Variants in GRIN2A observed in about 807,000 individuals in gnomAD.
GRIN2A encodes the protein glutamate ionotropic receptor NMDA type subunit 2A.
A neutral mutation model predicts 113.4 loss-of-function variants in GRIN2A; 22 were observed. The observed-to-expected ratio is 0.19, with a 90% CI of 0.14 to 0.28. The LOEUF is 0.28. Among genes scored for constraint, GRIN2A ranks in the 10% least tolerant of loss-of-function variants. GRIN2A has a pLI of 1.00. For synonymous variants in GRIN2A, 827 were observed against 738.4 expected (o/e 1.12, Z -1.94); for missense variants, 1,502 against 1,887.0 (o/e 0.80, Z 3.78).
At chr16:9,780,050 C>T (rs918694028) in intron 11 of GRIN2A, among the ~76,000 whole-genome samples, 6 of 152,164 alleles carry the variant, frequency 3.9e-5, no homozygotes, top group Non-Finnish European at 1.5e-5. Context: ...AACAGCCAAC[C>T]ACACAGCCAC....
chr16:9,919,248 A>T (rs948175333), intron 3 of GRIN2A, among the ~76,000 whole-genome samples: 1 of 151,980 alleles, frequency 6.6e-6, no homozygotes, highest in Non-Finnish European at 1.5e-5. Context: ...CATGGCTCTG[A>T]CTCATTCTTC....
At chr16:9,808,635 C>T (rs1238500769) in intron 10 of GRIN2A, among the ~76,000 whole-genome samples, 1 of 152,002 alleles carries the variant, frequency 6.6e-6, no homozygotes, top group African/African-American at 2.4e-5. Flanking sequence ...TTTAATTTGC[C>T]AAAGGTCACA....
intron 11 of GRIN2A, among the ~76,000 whole-genome samples, chr16:9,783,670 G>A (rs1463988886): frequency 6.6e-6 from 1 of 152,198 alleles, no homozygotes; most frequent in Non-Finnish European, 1.5e-5. Context: ...GAGAGAAAGA[G>A]AATGAATAAA....
At chr16:10,171,185 A>G (rs2050034201) in intron 2 of GRIN2A, among the ~76,000 whole-genome samples, 2 of 152,242 alleles carry the variant, frequency 1.3e-5, no homozygotes, top group African/African-American at 4.8e-5. Context: ...AGAGCAAAAG[A>G]ATAAGAACCC....
chr16:9,927,194 C>T (rs759189216), intron 3 of GRIN2A, among the ~76,000 whole-genome samples: 2 of 152,154 alleles, frequency 1.3e-5, no homozygotes, highest in Non-Finnish European at 2.9e-5. Context: ...AGACTTCATG[C>T]CTCCTGTAAG....
chr16:9,764,511 C>G lies in GRIN2A; in HGVS notation c.3033G>C (p.Arg1011=). The part of the protein sequence containing the change: ...STESKANSRP[R]QLWKKSVDSI... ...AATCCACGGATTTCTTCCACAGCTGCCGGGGTCTAGAGTTCGCTTTGGATT... is the reference window on the plus strand; with the variant it reads ...AATCCACGGATTTCTTCCACAGCTGGCGGGGTCTAGAGTTCGCTTTGGATT... Residue 1011 remains arginine, a synonymous_variant, in exon 13 of 13, where the codon CGG becomes CGC. Coordinates refer to ENST00000330684, the MANE Select transcript of GRIN2A (RefSeq NM_001134407.3). The G allele has an allele frequency of 6.2e-7, 1 of 1,614,094 alleles. No individual in the cohort carries two copies. The highest frequency in any genetic ancestry group is 8.5e-7 in the Non-Finnish European group (1 of 1,180,016).
rs1007098060 is a variant in GRIN2A, at chr16:9,753,619, A to G, written c.*9530T>C. ...CATACTACAAGAAGACAACCATAGT[A>G]TATACTTCCTCTATCATAGAAAGGT... On this transcript the variant is annotated 3_prime_UTR_variant, in exon 13 of 13. Coordinates refer to ENST00000330684, the MANE Select transcript of GRIN2A (RefSeq NM_001134407.3). 3.1e-5 allele frequency: 6 copies of G among 195,908 alleles called. No individual in the cohort carries two copies. The highest frequency in any genetic ancestry group is 5.3e-5 in the Non-Finnish European group (5 of 94,276). The allele number at this position is 195,908 out of a possible 1,614,324, so 12.1% of individuals were successfully genotyped here. A position where few individuals can be genotyped will look rare whatever the true frequency, so the allele number is the denominator to read the frequency against.
intron 8 of GRIN2A, among the ~76,000 whole-genome samples, chr16:9,830,323 C>T (rs2042468292): frequency 1.3e-5 from 2 of 152,062 alleles, no homozygotes; most frequent in Non-Finnish European, 2.9e-5. Flanking sequence ...CCAGTATATC[C>T]TCGCAATAGC....
At chr16:9,810,647 T>A (rs2042068816) in intron 10 of GRIN2A, among the ~76,000 whole-genome samples, 1 of 152,102 alleles carries the variant, frequency 6.6e-6, no homozygotes, top group African/African-American at 2.4e-5. Context: ...CACCAGAAAC[T>A]GGAGGACGCA....
intron 2 of GRIN2A, among the ~76,000 whole-genome samples, chr16:10,067,060 G>A (rs920984705): frequency 1.2e-4 from 19 of 152,162 alleles, no homozygotes; most frequent in Non-Finnish European, 2.8e-4. Flanking sequence ...ACCTCTAACT[G>A]GATCCCCCAG....
At chr16:10,170,440 C>G (rs993545024) in intron 2 of GRIN2A, among the ~76,000 whole-genome samples, 1 of 152,162 alleles carries the variant, frequency 6.6e-6, no homozygotes, top group African/African-American at 2.4e-5. Context: ...GGTGACAATA[C>G]AAAAATATAT....
At chr16:10,111,312 G>A (rs891242536) in intron 2 of GRIN2A, 10 of 380,442 alleles carry the variant, frequency 2.6e-5, no homozygotes, top group Non-Finnish European at 4.5e-5. Context: ...GGCCCACAGC[G>A]TCAGCAGCAG....
At chr16:10,094,335 G>C (rs1179283504) in intron 2 of GRIN2A, among the ~76,000 whole-genome samples, 1 of 152,182 alleles carries the variant, frequency 6.6e-6, no homozygotes, top group African/African-American at 2.4e-5. Flanking sequence ...CTTTGAGCTG[G>C]TCATTCCCTA....
intron 2 of GRIN2A, among the ~76,000 whole-genome samples, chr16:10,135,235 G>A (rs2049167172): frequency 6.6e-6 from 1 of 152,206 alleles, no homozygotes; most frequent in Non-Finnish European, 1.5e-5. Context: ...TATATAACAA[G>A]GATGTCCTTT....
chr16:10,026,596 A>T (rs1435143288), intron 2 of GRIN2A, among the ~76,000 whole-genome samples: 6,975 of 152,084 alleles, frequency 0.046, 275 homozygotes, highest in African/African-American at 0.1. Context: ...CTTTCTGTCA[A>T]CTGAAGAACA....
chr16:9,840,499 T>C lies in GRIN2A; in HGVS notation c.1651+148A>G, dbSNP rs138389961. ...GGGGACCCAAAGCCTAACCCTTTCA[T>C]AGGATAATTCAAATGCAGCATCCTC... is the stretch of plus-strand genomic sequence containing the variant. On this transcript the variant is annotated intron_variant, in intron 7 of 12. Transcript: ENST00000330684. The C allele has an allele frequency of 1.3e-4, 103 of 784,832 alleles. No homozygotes were observed. The Middle Eastern group carries it at 1.4e-3, about 11-fold the overall frequency. The allele number at this position is 784,832 out of a possible 1,614,324, so 48.6% of individuals were successfully genotyped here.
At chr16:9,836,872 C>T (rs1052950736) in intron 7 of GRIN2A, among the ~76,000 whole-genome samples, 6 of 152,146 alleles carry the variant, frequency 3.9e-5, no homozygotes, top group African/African-American at 1.4e-4. Context: ...CGAGGAGATA[C>T]CAGGTCAGCA....
intron 2 of GRIN2A, among the ~76,000 whole-genome samples, chr16:9,973,492 A>G (rs1025943040): frequency 6.6e-6 from 1 of 152,174 alleles, no homozygotes; most frequent in South Asian, 2.1e-4. Context: ...AAGAAAGAGA[A>G]TGGAGAAGGG....
At chr16:10,126,449 G>C (rs1212814926) in intron 2 of GRIN2A, among the ~76,000 whole-genome samples, 1 of 152,156 alleles carries the variant, frequency 6.6e-6, no homozygotes, top group Admixed American at 6.5e-5. Context: ...ATAGAGGCAA[G>C]AGCCAGTGCC....
Sources: gnomAD v4.1 joint callset for allele counts (sites outside exome capture counted in the v4.1 genomes callset) on GRCh38, gnomAD v4.1.1 for gene constraint, MANE v1.5 for transcripts, NCBI Gene and HGNC (gene_info 2026-07-23, HGNC 2026-07-21) for gene names.